The following ANK3 variants were observed in gnomAD, a reference collection of about 807,000 sequenced individuals.
The protein encoded by ANK3 is ankyrin 3.
In ANK3, 57 loss-of-function variants were observed where a neutral mutation model predicts 370.9. That is an observed-to-expected ratio of 0.15 (90% CI 0.12 to 0.19). The LOEUF is 0.19. Among genes scored for constraint, ANK3 ranks in the 10% least tolerant of loss-of-function variants. The pLI, the probability that ANK3 is intolerant of heterozygous loss-of-function variation, is 1.00. For missense variants in ANK3, 4,439 were observed against 5,302.1 expected (o/e 0.84, Z 5.06); for synonymous variants, 1,929 against 1,946.3 (o/e 0.99, Z 0.23).
Position 60,213,404 on chromosome 10 carries a change from G to T in ANK3, c.996+8C>A, listed in dbSNP as rs754103648. The T allele has an allele frequency of 4.1e-5, 65 of 1,604,782 alleles. No homozygotes were observed. Among genetic ancestry groups the T allele is most frequent in the Non-Finnish European group, 5.5e-5 (65 of 1,172,952 alleles). The stretch of plus-strand genomic sequence containing the variant: ...AGTCCAATGTCCAGAAACCTGAAAA[G>T]AAATTACCTTGGTTTTTGAAAGAAT... On this transcript the variant is annotated splice_region_variant and intron_variant, in intron 9 of 43. Transcript: ENST00000280772.
chr10:60,405,103 G>GA (rs2063426230), intron 2 of ANK3, among the ~76,000 whole-genome samples: 1 of 152,054 alleles, frequency 6.6e-6, no homozygotes, highest in Non-Finnish European at 1.5e-5. Flanking sequence ...CAACCACTTG[G>GA]AAAAAACATT....
intron 2 of ANK3, among the ~76,000 whole-genome samples, chr10:60,612,980 T>C (rs1489560028): frequency 6.6e-6 from 1 of 152,176 alleles, no homozygotes; most frequent in African/African-American, 2.4e-5. Flanking sequence ...TAAATGAGGT[T>C]GGACTGTGCA....
At chr10:60,579,048 C>T (rs892132712) in intron 2 of ANK3, among the ~76,000 whole-genome samples, 4 of 151,928 alleles carry the variant, frequency 2.6e-5, no homozygotes, top group Admixed American at 2.0e-4. Context: ...TTTTTCTGGC[C>T]GGGCGCAGTG....
chr10:60,670,118 C>A (rs955432048), intron 1 of ANK3, among the ~76,000 whole-genome samples: 2 of 152,048 alleles, frequency 1.3e-5, no homozygotes, highest in Non-Finnish European at 2.9e-5. Flanking sequence ...ACCACTGTGC[C>A]CAGCCCTAAT....
In ANK3 at chr10:60,424,728, A is replaced by AT. The variant is rs532609474; in HGVS notation, c.97-145090dup. ...AAGATAGTGAGTTGCTCTGAAAATG[A>AT]TTTTTATCACATGAAAAATCTAGAT... On this transcript the variant is annotated intron_variant, in intron 2 of 43. Coordinates refer to the ANK3 transcript ENST00000373827. 7.2e-5 allele frequency among the ~76,000 whole-genome samples: 11 copies of AT among 152,170 alleles called. No individual in the cohort carries two copies. In the South Asian group the frequency reaches 1.7e-3, roughly 23 times the overall value.
intron 1 of ANK3, among the ~76,000 whole-genome samples, chr10:60,377,497 A>G (rs1328412065): frequency 6.6e-6 from 1 of 152,238 alleles, no homozygotes; most frequent in African/African-American, 2.4e-5. Flanking sequence ...TTTGAAGTTA[A>G]AAACATAAAG....
At chr10:60,488,241 G>C (rs2075400574) in intron 2 of ANK3, among the ~76,000 whole-genome samples, 2 of 152,222 alleles carry the variant, frequency 1.3e-5, no homozygotes, top group South Asian at 2.1e-4. Flanking sequence ...AGCTTGATTT[G>C]AGAAAAATCC....
At position 60,074,847 on chromosome 10, in the gene ANK3, G is replaced by A; in HGVS notation, c.6034C>T (p.Leu2012=). ...GCTTTTACTTGCACTCTCTCTGGCA[G>A]AGATGGAGACTGGCTCGCAGCAGCT... The part of the protein sequence containing the change: ...QQAAASQSPS[L]PERVQVKAKA... The change falls in exon 37 of 44, where the codon CTG becomes TTG. Residue 2012 remains leucine (L), a synonymous_variant. Transcript: ENST00000280772. 6.2e-7 allele frequency: 1 copy of A among 1,613,682 alleles called. No individual in the cohort carries two copies. Among genetic ancestry groups the A allele is most frequent in the Non-Finnish European group, 8.5e-7 (1 of 1,179,914 alleles).
At chr10:60,040,123 TG>T (rs1485259775) in intron 43 of ANK3, among the ~76,000 whole-genome samples, 1 of 152,222 alleles carries the variant, frequency 6.6e-6, no homozygotes, top group African/African-American at 2.4e-5. Context: ...TGAAAGTCAT[TG>T]GCTTTTCTCT....
intron 1 of ANK3, among the ~76,000 whole-genome samples, chr10:60,325,308 C>T (rs2049571953): frequency 6.6e-6 from 1 of 152,158 alleles, no homozygotes; most frequent in African/African-American, 2.4e-5. Flanking sequence ...CTTTCTGTGC[C>T]TGTGAGAAGA....
intron 2 of ANK3, among the ~76,000 whole-genome samples, chr10:60,473,474 C>T (rs948084699): frequency 3.9e-5 from 6 of 152,094 alleles, no homozygotes; most frequent in African/African-American, 1.4e-4. Context: ...CAGGATTTTA[C>T]ATTCACTAAG....
intron 2 of ANK3, among the ~76,000 whole-genome samples, chr10:60,509,949 C>G (rs764256503): frequency 6.6e-6 from 1 of 152,044 alleles, no homozygotes; most frequent in Non-Finnish European, 1.5e-5. Context: ...CAAAGCATCC[C>G]CACATGGAAG....
intron 1 of ANK3, among the ~76,000 whole-genome samples, chr10:60,688,677 G>A (rs1013069883): frequency 5.3e-5 from 8 of 152,176 alleles, no homozygotes; most frequent in African/African-American, 1.2e-4. Context: ...GGCCGGGTGC[G>A]GTGGCACATG....
intron 25 of ANK3, among the ~76,000 whole-genome samples, chr10:60,129,074 TG>T (rs2093928701): frequency 6.6e-6 from 1 of 152,258 alleles, no homozygotes; most frequent in Non-Finnish European, 1.5e-5. Context: ...AGGAATGGAA[TG>T]TTTCCAAGCA....
intron 1 of ANK3, among the ~76,000 whole-genome samples, chr10:60,308,393 A>G (rs1365843573): frequency 7.0e-6 from 1 of 142,586 alleles, no homozygotes; most frequent in Non-Finnish European, 1.5e-5. Flanking sequence ...TCCGCCTTTC[A>G]GCCTCCCGAG....
At chr10:60,045,413 G>T (rs1015123288) in intron 42 of ANK3, among the ~76,000 whole-genome samples, 2 of 152,178 alleles carry the variant, frequency 1.3e-5, no homozygotes, top group Non-Finnish European at 2.9e-5. Context: ...TGGCTCCATA[G>T]TATCTCTCCA....
intron 28 of ANK3, among the ~76,000 whole-genome samples, chr10:60,095,672 G>A (rs2089976430): frequency 1.3e-5 from 2 of 152,190 alleles, no homozygotes; most frequent in South Asian, 4.1e-4. Context: ...GTGAGCCGCT[G>A]TGCCTGGCCT....
intron 2 of ANK3, among the ~76,000 whole-genome samples, chr10:60,438,649 G>A (rs1056724213): frequency 6.6e-6 from 1 of 152,184 alleles, no homozygotes; most frequent in Non-Finnish European, 1.5e-5. Context: ...ATTAAGTGAG[G>A]AAGACCAAAT....
At chr10:60,380,838 A>T (rs2061457519) in intron 1 of ANK3, among the ~76,000 whole-genome samples, 1 of 152,178 alleles carries the variant, frequency 6.6e-6, no homozygotes, top group Non-Finnish European at 1.5e-5. Flanking sequence ...TCTAAGTGGC[A>T]GTTATGGAAG....
Sources: allele counts gnomAD v4.1 joint callset (sites outside exome capture counted in the v4.1 genomes callset), GRCh38; gene constraint gnomAD v4.1.1; transcripts MANE v1.5; gene names NCBI Gene and HGNC (gene_info 2026-07-23, HGNC 2026-07-21).